The following SCNN1B variants were observed in gnomAD, a reference collection of about 807,000 sequenced individuals.
SCNN1B encodes the protein epithelial sodium channel subunit beta.
Under a neutral mutation model 65.3 loss-of-function variants are expected in SCNN1B, and 46 were observed. That is an observed-to-expected ratio of 0.70 (90% CI 0.56 to 0.90). The LOEUF is 0.90. Ranked by LOEUF, SCNN1B falls within the 40% of genes least tolerant of loss-of-function variation. SCNN1B has a pLI of 0.00. For missense variants in SCNN1B, 751 were observed against 830.5 expected (o/e 0.90, Z 1.18); for synonymous variants, 349 against 330.6 (o/e 1.06, Z -0.60).
intron 7 of SCNN1B, among the ~76,000 whole-genome samples, chr16:23,374,036 C>T (rs1475827621): frequency 6.6e-6 from 1 of 152,106 alleles, no homozygotes; most frequent in Non-Finnish European, 1.5e-5. Flanking sequence ...AGGCTTGAGC[C>T]CACCCCAGCC....
intron 1 of SCNN1B, among the ~76,000 whole-genome samples, chr16:23,312,919 A>G (rs1251117195): frequency 6.6e-6 from 1 of 152,050 alleles, no homozygotes; most frequent in East Asian, 1.9e-4. Flanking sequence ...GAGGCTGCAC[A>G]TTTTCCTACA....
intron 1 of SCNN1B, among the ~76,000 whole-genome samples, chr16:23,309,445 T>TAGAC (rs1365331243): frequency 1.3e-5 from 2 of 149,300 alleles, no homozygotes; most frequent in African/African-American, 5.1e-5. Context: ...GATAGACAGA[T>TAGAC]AGATAGCTAA....
rs1206510622 is a variant in SCNN1B at position 23,380,437 on chromosome 16, C to A, written c.1559C>A (p.Ser520Ter). ...SAANNIVWLL[S>*]NLGGQFGFWM... ...TCCCCACAGATCGTCTGGCTGCTCT[C>A]GAATCTGGGTGGCCAGTTTGGCTTC... is the stretch of plus-strand genomic sequence containing the variant. Residue 520 changes from serine (S) to a stop codon, truncating the protein, a stop_gained, in exon 13 of 13, where the codon TCG (serine) becomes TAG (stop). Transcript: ENST00000343070. LOFTEE classifies it high-confidence loss of function. This position sits in a 1 kb window ranked among gnomAD's most constrained non-coding sequence, Gnocchi z 5.4. The A allele has an allele frequency of 6.2e-7, 1 of 1,614,072 alleles. No individual in the cohort carries two copies. Among genetic ancestry groups the A allele is most frequent in the South Asian group, 1.1e-5 (1 of 91,092 alleles).
Position 23,355,488 on chromosome 16 carries a change from C to T in SCNN1B, c.775C>T (p.Arg259Trp), listed in dbSNP as rs72654326. 5.2e-5 allele frequency: 84 copies of T among 1,614,004 alleles called. No individual in the cohort carries two copies. The East Asian group carries it at 7.8e-4, about 15-fold the overall frequency. ...ATTCGGAGCTGAGCCCTGCAACTAC[C>T]GGTGAGAGCCACCCCAAGCCCACCC... ...CLFGAEPCNY[R>W]NFTSIFYPHY... Residue 259 changes from arginine to tryptophan, a missense_variant and splice_region_variant, in exon 4 of 13, where the codon CGG becomes TGG. Physicochemically the swap from Arg to Trp is moderately radical, Grantham distance 101 (BLOSUM62 -3). Coordinates refer to ENST00000343070, the MANE Select transcript of SCNN1B (RefSeq NM_000336.3).
chr16:23,313,212 G>A (rs1290419401), intron 1 of SCNN1B, among the ~76,000 whole-genome samples: 1 of 152,130 alleles, frequency 6.6e-6, no homozygotes, highest in Non-Finnish European at 1.5e-5. Flanking sequence ...TGAAAATACA[G>A]TGGTGACCCA....
At chr16:23,296,238 G>T (rs1003195411) in intron 2 of SCNN1B, among the ~76,000 whole-genome samples, 2 of 152,094 alleles carry the variant, frequency 1.3e-5, no homozygotes, top group Non-Finnish European at 2.9e-5. Context: ...GGTGGGGGGC[G>T]CCACGGGGAT....
intron 11 of SCNN1B, 115 bp from the exon 12 acceptor site, chr16:23,379,979 T>C: frequency 1.2e-6 from 1 of 826,240 alleles, no homozygotes; most frequent in South Asian, 1.4e-5. Flanking sequence ...TGTGTGTGCA[T>C]ACATGTGGGT....
chr16:23,290,762 T>C (rs1201625470), intron 2 of SCNN1B, among the ~76,000 whole-genome samples: 2 of 152,238 alleles, frequency 1.3e-5, no homozygotes, highest in Non-Finnish European at 2.9e-5. Flanking sequence ...AGGTGTTCTC[T>C]TTTAGTAGAC....
At chr16:23,287,840 C>T (rs1960871928) in intron 2 of SCNN1B, among the ~76,000 whole-genome samples, 6 of 147,600 alleles carry the variant, frequency 4.1e-5, no homozygotes, top group African/African-American at 7.6e-5. Flanking sequence ...GATGGGGTCT[C>T]GCTATGTAGC....
intron 4 of SCNN1B, 66 bp from the exon 5 acceptor site, chr16:23,367,790 G>T: frequency 1.6e-6 from 2 of 1,234,414 alleles, no homozygotes; most frequent in East Asian, 2.3e-5. Flanking sequence ...AAGGTGGACG[G>T]CAGACAGTCG....
chr16:23,347,345 C>T lies in SCNN1B; in HGVS notation c.-8-1247C>T, dbSNP rs77974849. 9.6e-3 allele frequency among the ~76,000 whole-genome samples: 1,467 copies of T among 152,140 alleles called. 23 individuals are homozygous for T. Among genetic ancestry groups the T allele is most frequent in the African/African-American group, 0.033 (1,375 of 41,500 alleles). On this transcript the variant is annotated intron_variant, in intron 1 of 12. Coordinates refer to ENST00000343070, the MANE Select transcript of SCNN1B (RefSeq NM_000336.3). ...GTCCATAGCACTTTTTGTGCATCGC[C>T]GAATTTCCTCCTCTCAGCAATCCTG... is the stretch of plus-strand genomic sequence containing the variant.
upstream of SCNN1B, among the ~76,000 whole-genome samples, chr16:23,300,601 T>C (rs1301378135): frequency 2.0e-5 from 3 of 151,874 alleles, no homozygotes; most frequent in Admixed American, 2.0e-4. Context: ...TTTGGGAGGC[T>C]GAAGTGGGAA....
chr16:23,306,157 C>T (rs1439161685), intron 1 of SCNN1B, among the ~76,000 whole-genome samples: 5 of 151,658 alleles, frequency 3.3e-5, no homozygotes, highest in South Asian at 2.1e-4. Context: ...GTGGGAGAAT[C>T]GCTTGAACCC....
At chr16:23,334,642 C>T (rs1010892386) in intron 1 of SCNN1B, among the ~76,000 whole-genome samples, 1 of 152,216 alleles carries the variant, frequency 6.6e-6, no homozygotes. Context: ...AAGCTGTTTG[C>T]ACCCCATTCA....
At chr16:23,378,568 G>A in intron 10 of SCNN1B, 138 bp from the exon 11 acceptor site, 2 of 770,706 alleles carry the variant, frequency 2.6e-6, no homozygotes, top group Non-Finnish European at 4.6e-6. Flanking sequence ...CCTTCCTCCT[G>A]CTCCTCATCC....
chr16:23,322,786 A>G (rs1961615700), intron 1 of SCNN1B, among the ~76,000 whole-genome samples: 1 of 152,172 alleles, frequency 6.6e-6, no homozygotes. Context: ...AAAATACTTA[A>G]TTGTGGAAAA....
chr16:23,289,167 C>T (rs537706952), intron 2 of SCNN1B, among the ~76,000 whole-genome samples: 1 of 152,230 alleles, frequency 6.6e-6, no homozygotes, highest in Non-Finnish European at 1.5e-5. Context: ...CCGGCCACAC[C>T]TAGCACCCTT....
chr16:23,339,763 T>A (rs1962017263), intron 1 of SCNN1B, among the ~76,000 whole-genome samples: 1 of 152,064 alleles, frequency 6.6e-6, no homozygotes, highest in Non-Finnish European at 1.5e-5. Flanking sequence ...AGACAGGGTT[T>A]CACCATGTTG....
At chr16:23,291,560 AT>A (rs1249255940) in intron 2 of SCNN1B, among the ~76,000 whole-genome samples, 1 of 150,614 alleles carries the variant, frequency 6.6e-6, no homozygotes, top group Non-Finnish European at 1.5e-5. Flanking sequence ...TTGTCTCTGC[AT>A]TTATTTTATT....
Sources: gnomAD v4.1 joint callset for allele counts (sites outside exome capture counted in the v4.1 genomes callset) on GRCh38, gnomAD v4.1.1 for gene constraint, Gnocchi (gnomAD v3.1) non-coding constraint, MANE v1.5 for transcripts, NCBI Gene and HGNC (gene_info 2026-07-23, HGNC 2026-07-21) for gene names.